The following NEK7 variants were observed in gnomAD, a reference collection of about 807,000 sequenced individuals.
NEK7 encodes NIMA related kinase 7.
A neutral mutation model predicts 44.6 loss-of-function variants in NEK7; 18 were observed. The observed-to-expected ratio is 0.40, with a 90% CI of 0.28 to 0.60. The LOEUF is 0.60. NEK7 is among the 20% of genes least tolerant of loss of function. The probability of loss-of-function intolerance (pLI) is 0.38; values close to 1 mark genes in which losing one functional copy is unlikely to be tolerated. For synonymous variants in NEK7, 130 were observed against 121.1 expected (o/e 1.07, Z -0.48); for missense variants, 256 against 366.5 (o/e 0.70, Z 2.46).
chr1:198,262,504 A>T, intron 3 of NEK7, 71 bp from the exon 4 acceptor site: 1 of 952,754 alleles, frequency 1.0e-6, no homozygotes, highest in Non-Finnish European at 1.6e-6. Context: ...GTAGAGTATT[A>T]AAATGAATTT....
At chr1:198,265,126 A>G (rs1017303597) in intron 5 of NEK7, among the ~76,000 whole-genome samples, 5 of 152,086 alleles carry the variant, frequency 3.3e-5, no homozygotes, top group Non-Finnish European at 4.4e-5. Context: ...TTGAAGGGAC[A>G]AAGAGTACAT....
chr1:198,169,173 T>C (rs1261043445), intron 1 of NEK7, among the ~76,000 whole-genome samples: 1 of 152,224 alleles, frequency 6.6e-6, no homozygotes, highest in East Asian at 1.9e-4. Flanking sequence ...TTTATGGATA[T>C]AACTGCTGCA....
At chr1:198,192,537 A>C (rs537417575) in intron 1 of NEK7, among the ~76,000 whole-genome samples, 6 of 152,060 alleles carry the variant, frequency 3.9e-5, no homozygotes, top group Non-Finnish European at 7.4e-5. Context: ...TGAAGTGGAA[A>C]TAGTTGGAGG....
chr1:198,165,240 C>G (rs1434000497), intron 1 of NEK7, among the ~76,000 whole-genome samples: 1 of 152,216 alleles, frequency 6.6e-6, no homozygotes, highest in Non-Finnish European at 1.5e-5. Context: ...GATATTTTGA[C>G]TTCCTCCCAT....
At chr1:198,174,200 A>T (rs1226492748) in intron 1 of NEK7, among the ~76,000 whole-genome samples, 1 of 152,222 alleles carries the variant, frequency 6.6e-6, no homozygotes, top group Non-Finnish European at 1.5e-5. Context: ...AAATTTTAAA[A>T]TGTAAAATAT....
At position 198,276,298 on chromosome 1, in the gene NEK7, A is replaced by G. The variant is rs773357600; in HGVS notation, c.373-1663A>G. Among the ~76,000 whole-genome samples, 17 of 151,648 alleles carry G rather than the reference A, an allele frequency of 1.1e-4. 1 individual carries two copies. In the East Asian group the frequency reaches 1.4e-3, roughly 12 times the overall value. On this transcript the variant is annotated intron_variant, in intron 5 of 9. Coordinates refer to ENST00000367385, the MANE Select transcript of NEK7 (RefSeq NM_133494.3). ...TCAAAATCCGTATTAAAGCATAAAA[A>G]TTTGTTTTCATGGTCTGATACACAC...
intron 7 of NEK7, among the ~76,000 whole-genome samples, chr1:198,288,139 C>G (rs1654436301): frequency 6.6e-6 from 1 of 152,198 alleles, no homozygotes; most frequent in Admixed American, 6.5e-5. Context: ...CTAGATAGAT[C>G]TTTGGCTTAT....
intron 1 of NEK7, among the ~76,000 whole-genome samples, chr1:198,209,216 T>G (rs1357624586): frequency 1.3e-5 from 2 of 150,894 alleles, no homozygotes; most frequent in Non-Finnish European, 2.9e-5. Context: ...ATTTTGCCAC[T>G]ATGAAAGCAA....
chr1:198,166,305 G>A (rs1215605437), intron 1 of NEK7, among the ~76,000 whole-genome samples: 5 of 152,130 alleles, frequency 3.3e-5, no homozygotes, highest in East Asian at 1.9e-4. Context: ...GACCAGCTCC[G>A]AGCTTCAGCA....
intron 2 of NEK7, among the ~76,000 whole-genome samples, chr1:198,238,242 A>C (rs931333059): frequency 6.6e-6 from 1 of 151,998 alleles, no homozygotes; most frequent in Non-Finnish European, 1.5e-5. Context: ...AGTGGAGGCT[A>C]CTTATTCTCC....
At chr1:198,215,817 A>G (rs1665903177) in intron 1 of NEK7, among the ~76,000 whole-genome samples, 2 of 151,668 alleles carry the variant, frequency 1.3e-5, no homozygotes, top group Non-Finnish European at 2.9e-5. Context: ...AAAAAAAAAC[A>G]TCATTATAGG....
At chr1:198,284,961 G>C (rs899082962) in intron 7 of NEK7, among the ~76,000 whole-genome samples, 1 of 152,028 alleles carries the variant, frequency 6.6e-6, no homozygotes, top group Non-Finnish European at 1.5e-5. Context: ...TTTCTCCTCT[G>C]TTCCTCAGTG....
At chr1:198,218,785 T>G (rs955653967) in intron 1 of NEK7, among the ~76,000 whole-genome samples, 1 of 147,788 alleles carries the variant, frequency 6.8e-6, no homozygotes, top group African/African-American at 2.5e-5. Context: ...GATATACAAG[T>G]GGCCAACAAA....
intron 1 of NEK7, among the ~76,000 whole-genome samples, chr1:198,230,749 A>T (rs1159693620): frequency 6.6e-6 from 1 of 152,082 alleles, no homozygotes; most frequent in Non-Finnish European, 1.5e-5. Flanking sequence ...TACAGGGTCA[A>T]TATACAAAAA....
chr1:198,314,828 C>G (rs1486849988), intron 9 of NEK7, among the ~76,000 whole-genome samples: 1 of 152,180 alleles, frequency 6.6e-6, no homozygotes, highest in Non-Finnish European at 1.5e-5. Context: ...AACCACTGCT[C>G]TCTTCAAAGC....
intron 5 of NEK7, among the ~76,000 whole-genome samples, chr1:198,275,513 A>G (rs1653989806): frequency 6.7e-6 from 1 of 150,272 alleles, no homozygotes; most frequent in African/African-American, 2.4e-5. Flanking sequence ...TTTTTTTTTA[A>G]TCAGAGCTAA....
At chr1:198,295,465 A>G (rs1654686770) in intron 8 of NEK7, among the ~76,000 whole-genome samples, 1 of 152,144 alleles carries the variant, frequency 6.6e-6, no homozygotes, top group Admixed American at 6.5e-5. Flanking sequence ...GGAGAGGGCG[A>G]GCAGCTGTCA....
At chr1:198,170,849 T>TA (rs1443560384) in intron 1 of NEK7, among the ~76,000 whole-genome samples, 1 of 152,210 alleles carries the variant, frequency 6.6e-6, no homozygotes, top group Non-Finnish European at 1.5e-5. Flanking sequence ...ATTTGGTTTG[T>TA]AGTTATGGCA....
chr1:198,274,497 A>G (rs966545185), intron 5 of NEK7, among the ~76,000 whole-genome samples: 1 of 151,818 alleles, frequency 6.6e-6, no homozygotes, highest in Non-Finnish European at 1.5e-5. Context: ...TTAAAGATTA[A>G]CATGTCAAAC....
Sources: gnomAD v4.1 joint callset for allele counts (sites outside exome capture counted in the v4.1 genomes callset) on GRCh38, gnomAD v4.1.1 for gene constraint, MANE v1.5 for transcripts, NCBI Gene and HGNC (gene_info 2026-07-23, HGNC 2026-07-21) for gene names.